The following MCTP2 variants were observed in gnomAD, a reference collection of about 807,000 sequenced individuals.
The protein encoded by MCTP2 is multiple C2 and transmembrane domain-containing protein 2.
MCTP2 carries 132 observed loss-of-function variants against 111.6 expected under a neutral mutation model. The observed-to-expected ratio is 1.18, with a 90% CI of 1.03 to 1.37. The LOEUF (loss-of-function observed/expected upper bound fraction) is 1.37, where lower values mean the gene tolerates loss of function less well. MCTP2 is among the 40% of genes most tolerant of loss of function. MCTP2 has a pLI of 0.00. For missense variants in MCTP2, 1,183 were observed against 1,067.9 expected (o/e 1.11, Z -1.50); for synonymous variants, 395 against 387.7 (o/e 1.02, Z -0.22).
At chr15:94,286,774 A>G (rs1030837966) in intron 1 of MCTP2, among the ~76,000 whole-genome samples, 5 of 152,338 alleles carry the variant, frequency 3.3e-5, no homozygotes, top group African/African-American at 1.2e-4. Flanking sequence ...GCTTAAAACC[A>G]TAATAAATGA....
chr15:94,314,408 T>C (rs2076286695), intron 3 of MCTP2, 64 bp downstream of exon 3: 1 of 1,269,740 alleles, frequency 7.9e-7, no homozygotes, highest in South Asian at 1.4e-5. Context: ...AATGTTTGGG[T>C]TTGTATTTTT....
intron 10 of MCTP2, among the ~76,000 whole-genome samples, chr15:94,363,614 T>C (rs917656017): frequency 5.3e-5 from 8 of 152,192 alleles, no homozygotes; most frequent in African/African-American, 1.9e-4. Flanking sequence ...ACAAAGCCAC[T>C]GGATTCCATG....
chr15:94,272,360 C>T (rs2073951010), intron 1 of MCTP2, among the ~76,000 whole-genome samples: 1 of 152,144 alleles, frequency 6.6e-6, no homozygotes. Context: ...TGAGTAATTA[C>T]TGATTGAACA....
At chr15:94,407,154 C>A (rs1168193772) in intron 17 of MCTP2, among the ~76,000 whole-genome samples, 1 of 151,886 alleles carries the variant, frequency 6.6e-6, no homozygotes, top group Admixed American at 6.6e-5. Flanking sequence ...ATTTTATAAA[C>A]CCCAATGTTG....
chr15:94,459,081 A>G (rs777126796), intron 20 of MCTP2, among the ~76,000 whole-genome samples: 3 of 152,154 alleles, frequency 2.0e-5, no homozygotes, highest in Non-Finnish European at 4.4e-5. Context: ...CTTAGTTTTC[A>G]TTTGGCACCA....
At chr15:94,380,806 A>G (rs2080094962) in intron 12 of MCTP2, among the ~76,000 whole-genome samples, 1 of 152,156 alleles carries the variant, frequency 6.6e-6, no homozygotes, top group South Asian at 2.1e-4. Flanking sequence ...GAATGATATG[A>G]CAATTGTAAC....
chr15:94,380,278 C>T (rs748199470), intron 12 of MCTP2, among the ~76,000 whole-genome samples: 1 of 152,016 alleles, frequency 6.6e-6, no homozygotes, highest in Non-Finnish European at 1.5e-5. Context: ...CAGCAATATA[C>T]AATTGGAGAT....
chr15:94,234,343 C>T (rs1383421280), intron 1 of MCTP2, among the ~76,000 whole-genome samples: 1 of 152,176 alleles, frequency 6.6e-6, no homozygotes, highest in East Asian at 1.9e-4. Flanking sequence ...TGATAATTTA[C>T]TGGAGATTTC....
chr15:94,244,019 A>T (rs1382913139), intron 1 of MCTP2, among the ~76,000 whole-genome samples: 1 of 147,364 alleles, frequency 6.8e-6, no homozygotes, highest in African/African-American at 2.5e-5. Context: ...ATATGTATAC[A>T]CATACGTATG....
chr15:94,317,637 C>T (rs997818450), intron 4 of MCTP2, among the ~76,000 whole-genome samples: 6 of 152,140 alleles, frequency 3.9e-5, no homozygotes, highest in Non-Finnish European at 7.4e-5. Context: ...TGCCATACAC[C>T]CTTCCACCCT....
At position 94,404,912 on chromosome 15, in the gene MCTP2, G is replaced by A. The variant is rs117474509; in HGVS notation, c.2085+2893G>A. On this transcript the variant is annotated intron_variant, in intron 17 of 22. Transcript: ENST00000357742. ...TCAGGGGTGACACACACTGACGGAT[G>A]TTCTCCTGTGATCTGTTGACAGAAT... 7.4e-3 allele frequency among the ~76,000 whole-genome samples: 1,125 copies of A among 152,286 alleles called. 9 individuals are homozygous for A. The highest frequency in any genetic ancestry group is 0.017 in the Middle Eastern group (5 of 294).
At chr15:94,233,606 A>G (rs2070343312) in intron 1 of MCTP2, among the ~76,000 whole-genome samples, 1 of 152,084 alleles carries the variant, frequency 6.6e-6, no homozygotes, top group Non-Finnish European at 1.5e-5. Context: ...ACACACGAAT[A>G]TATATTTTTC....
intron 2 of MCTP2, among the ~76,000 whole-genome samples, chr15:94,301,275 G>T (rs146925676): frequency 6.6e-6 from 1 of 152,110 alleles, no homozygotes; most frequent in Non-Finnish European, 1.5e-5. Context: ...GAGTGCGGCT[G>T]ATCAGACCCC....
chr15:94,384,592 C>T lies in MCTP2; in HGVS notation c.1685+468C>T, dbSNP rs553559744. ...TGATTCTCTGCCCACACTATCAAAC[C>T]TGGGCATTTAGGAGGCTGGATAGAT... On this transcript the variant is annotated intron_variant, in intron 13 of 22. Transcript: ENST00000357742. Among the ~76,000 whole-genome samples, 4 of 152,256 alleles carry T rather than the reference C, an allele frequency of 2.6e-5. No homozygotes were observed. In the East Asian group the frequency reaches 7.7e-4, roughly 29 times the overall value.
At chr15:94,328,350 G>C (rs934785693) in intron 4 of MCTP2, among the ~76,000 whole-genome samples, 11 of 151,960 alleles carry the variant, frequency 7.2e-5, no homozygotes, top group Admixed American at 1.3e-4. Context: ...GGATGGTCTT[G>C]ATCTCCTGAC....
intron 4 of MCTP2, among the ~76,000 whole-genome samples, chr15:94,329,920 A>C (rs1264253898): frequency 6.6e-6 from 1 of 152,178 alleles, no homozygotes; most frequent in Non-Finnish European, 1.5e-5. Context: ...CTCATCTTAC[A>C]TAACTGCACC....
chr15:94,320,595 T>G (rs7178612), intron 4 of MCTP2, among the ~76,000 whole-genome samples: 128,642 of 152,172 alleles, frequency 0.85, 54,577 homozygotes, highest in East Asian at 0.93. Context: ...AAGTACCTTT[T>G]CAGAATGAAC....
At chr15:94,386,076 T>C (rs1176080126) in intron 14 of MCTP2, among the ~76,000 whole-genome samples, 1 of 152,160 alleles carries the variant, frequency 6.6e-6, no homozygotes, top group African/African-American at 2.4e-5. Context: ...AAAAGAGTTT[T>C]CGCAGTCCAG....
chr15:94,467,538 T>C (rs752508130), intron 20 of MCTP2, among the ~76,000 whole-genome samples: 81 of 152,334 alleles, frequency 5.3e-4, no homozygotes, highest in Non-Finnish European at 1.0e-3. Context: ...GGTTGGGGGT[T>C]GTGTGAGTGT....
Sources: allele counts gnomAD v4.1 joint callset (sites outside exome capture counted in the v4.1 genomes callset), GRCh38; gene constraint gnomAD v4.1.1; transcripts MANE v1.5; gene names NCBI Gene and HGNC (gene_info 2026-07-23, HGNC 2026-07-21).